The following SEMA6D variants were observed in gnomAD, a reference collection of about 807,000 sequenced individuals.
The protein encoded by SEMA6D is semaphorin-6D.
Under a neutral mutation model 106.6 loss-of-function variants are expected in SEMA6D, and 35 were observed. The observed-to-expected ratio is 0.33, with a 90% confidence interval of 0.25 to 0.44. SEMA6D has a LOEUF of 0.44. Among genes scored for constraint, SEMA6D ranks in the 20% least tolerant of loss-of-function variants. The pLI is 1.00. For synonymous variants in SEMA6D, 499 were observed against 487.7 expected, an observed-to-expected ratio of 1.02 and a Z score of -0.31; for missense variants, 1,185 against 1,345.9, an observed-to-expected ratio of 0.88 and a Z score of 1.87.
chr15:47,545,828 G>A (rs2045503615), intron 3 of SEMA6D, among the ~76,000 whole-genome samples: 1 of 152,066 alleles, frequency 6.6e-6, no homozygotes, highest in Non-Finnish European at 1.5e-5. Context: ...TTTGTCTTCT[G>A]TCTTTAGCTT....
chr15:47,718,011 T>A lies in SEMA6D; in HGVS notation c.-55+319T>A, dbSNP rs545709582. 3.3e-5 allele frequency among the ~76,000 whole-genome samples: 5 copies of A among 152,190 alleles called. No individual in the cohort carries two copies. The South Asian group carries it at 1.0e-3, about 32-fold the overall frequency. On this transcript the variant is annotated intron_variant, in intron 1 of 18. Transcript: ENST00000536845. ...CTGGCGGCTTAGGGGGAGGGGCAAG[T>A]GGACTTGGAGGCCCTCCTCCACTGT...
At chr15:47,417,346 G>A (rs2041001009) in intron 2 of SEMA6D, among the ~76,000 whole-genome samples, 1 of 151,612 alleles carries the variant, frequency 6.6e-6, no homozygotes, top group Non-Finnish European at 1.5e-5. Context: ...GATATGCTCT[G>A]ACATACCATC....
intron 1 of SEMA6D, among the ~76,000 whole-genome samples, chr15:47,371,133 T>G (rs1401144037): frequency 6.6e-6 from 1 of 152,212 alleles, no homozygotes; most frequent in Non-Finnish European, 1.5e-5. Context: ...ACTTTTCCTT[T>G]AGGGCCACAG....
intron 1 of SEMA6D, among the ~76,000 whole-genome samples, chr15:47,270,298 A>G (rs1043352680): frequency 6.6e-6 from 1 of 151,258 alleles, no homozygotes. Context: ...ATAAAATTAT[A>G]TTTAATATTC....
upstream of SEMA6D, among the ~76,000 whole-genome samples, chr15:47,714,041 A>C (rs1224981207): frequency 6.6e-6 from 1 of 152,206 alleles, no homozygotes; most frequent in Non-Finnish European, 1.5e-5. Context: ...TTTTTATAAA[A>C]TCAATTTGAA....
intron 4 of SEMA6D, among the ~76,000 whole-genome samples, chr15:47,675,542 T>C (rs1404594309): frequency 1.3e-5 from 2 of 152,148 alleles, no homozygotes. Context: ...TCCAGAACTG[T>C]AAGAAAATAC....
intron 1 of SEMA6D, among the ~76,000 whole-genome samples, chr15:47,208,073 C>G (rs1219183606): frequency 6.7e-6 from 1 of 149,152 alleles, no homozygotes; most frequent in Admixed American, 6.7e-5. Flanking sequence ...TAAAGACTTT[C>G]AGCTGTGGAG....
rs191176014 is a variant in SEMA6D at position 47,286,328 on chromosome 15, T to G, written c.-239+101910T>G. 6.2e-3 allele frequency among the ~76,000 whole-genome samples: 951 copies of G among 152,330 alleles called. 17 individuals are homozygous for G. Among genetic ancestry groups the G allele is most frequent in the African/African-American group, 0.022 (905 of 41,576 alleles). On this transcript the variant is annotated intron_variant, in intron 1 of 19. Coordinates refer to the SEMA6D transcript ENST00000558014. The stretch of plus-strand genomic sequence containing the variant: ...AAAGTTCTCAAACTTTTGGTCTCAG[T>G]ACACCTTTACACTCTTAAAAATTAT...
intron 2 of SEMA6D, among the ~76,000 whole-genome samples, chr15:47,422,984 A>G (rs565394560): frequency 6.6e-6 from 1 of 152,194 alleles, no homozygotes; most frequent in African/African-American, 2.4e-5. Flanking sequence ...GAGTGAGGAG[A>G]AAAAAAGACC....
chr15:47,430,940 C>T (rs2140539248), intron 2 of SEMA6D, among the ~76,000 whole-genome samples: 1 of 152,222 alleles, frequency 6.6e-6, no homozygotes, highest in South Asian at 2.1e-4. Flanking sequence ...GAGCCCTAGC[C>T]ACGGAGTTCT....
chr15:47,435,026 T>A (rs1007791430), intron 2 of SEMA6D, among the ~76,000 whole-genome samples: 10 of 152,146 alleles, frequency 6.6e-5, no homozygotes, highest in Non-Finnish European at 1.3e-4. Flanking sequence ...AATCACTGAA[T>A]TGTAAATTCT....
chr15:47,272,949 A>G (rs1181499176), intron 1 of SEMA6D: 2 of 152,170 alleles, frequency 1.3e-5, no homozygotes, highest in South Asian at 2.1e-4. Context: ...TTTGTCATCT[A>G]ATTTCACCTG....
chr15:47,366,529 A>G (rs2039036964), intron 1 of SEMA6D, among the ~76,000 whole-genome samples: 1 of 152,216 alleles, frequency 6.6e-6, no homozygotes, highest in Non-Finnish European at 1.5e-5. Flanking sequence ...CCCTAAGACT[A>G]TATTTGAGGT....
At position 47,771,557 on chromosome 15, in the gene SEMA6D, A is replaced by G. The variant is rs568106524; in HGVS notation, c.2994A>G (p.Gly998=). ...LLSRQPSMNR[G]GYMPTPTGAK... is the part of the protein sequence containing the mutation. ...CCAGACAGCCTAGTATGAACCGTGG[A>G]GGATATATGCCCACCCCCACTGGGG... The change falls in exon 19 of 19, where the codon GGA becomes GGG. Residue 998 remains glycine (G), a synonymous_variant. Coordinates refer to ENST00000536845, the MANE Select transcript of SEMA6D (RefSeq NM_001358351.3). 34 of 1,614,138 alleles carry G rather than the reference A, an allele frequency of 2.1e-5. 1 individual carries two copies. In the South Asian group the frequency reaches 3.5e-4, roughly 17 times the overall value.
At chr15:47,737,007 G>A (rs1183992117) in intron 1 of SEMA6D, among the ~76,000 whole-genome samples, 2 of 152,076 alleles carry the variant, frequency 1.3e-5, no homozygotes, top group Non-Finnish European at 2.9e-5. Flanking sequence ...TCTAAAAATA[G>A]GAATTGCTGT....
intron 4 of SEMA6D, among the ~76,000 whole-genome samples, chr15:47,630,099 A>G (rs2077267703): frequency 6.6e-6 from 1 of 151,780 alleles, no homozygotes; most frequent in Non-Finnish European, 1.5e-5. Context: ...TGGCAATTCT[A>G]TTTTTAGGTT....
rs1007724685 is a variant in SEMA6D at position 47,441,226 on chromosome 15, A to G, written c.-159+28754A>G. Among the ~76,000 whole-genome samples the G allele has an allele frequency of 3.3e-5, 5 of 152,204 alleles. No homozygotes were observed. In the East Asian group the frequency reaches 5.8e-4, roughly 18 times the overall value. On this transcript the variant is annotated intron_variant, in intron 2 of 19. Transcript: ENST00000558014. ...ACAAGTGTTGCCAGTTCCTGACCAA[A>G]CATTTCTAATTCCAAAAACATGTTC...
chr15:47,570,590 G>A (rs2046355236), intron 3 of SEMA6D, among the ~76,000 whole-genome samples: 1 of 152,152 alleles, frequency 6.6e-6, no homozygotes, highest in South Asian at 2.1e-4. Context: ...AACTCTAATT[G>A]GATTATTGCT....
At chr15:47,260,317 A>G (rs950764084) in intron 1 of SEMA6D, among the ~76,000 whole-genome samples, 1 of 152,078 alleles carries the variant, frequency 6.6e-6, no homozygotes, top group Non-Finnish European at 1.5e-5. Context: ...CATCTTATTT[A>G]AATTTTTATT....
Sources: gnomAD v4.1 joint callset for allele counts (sites outside exome capture counted in the v4.1 genomes callset) on GRCh38, gnomAD v4.1.1 for gene constraint, MANE v1.5 for transcripts, NCBI Gene and HGNC (gene_info 2026-07-23, HGNC 2026-07-21) for gene names.